Variants in VRTN observed in about 807,000 individuals in gnomAD.
VRTN encodes the protein vertnin.
A neutral mutation model predicts 18.2 loss-of-function variants in VRTN; 5 were observed. The observed-to-expected ratio is 0.27, with a 90% CI of 0.14 to 0.58. The LOEUF is 0.58. VRTN is among the 20% of genes least tolerant of loss of function. The pLI, the probability that VRTN is intolerant of heterozygous loss-of-function variation, is 0.91. For synonymous variants in VRTN, 381 were observed against 393.7 expected, an observed-to-expected ratio of 0.97 and a Z score of 0.38; for missense variants, 741 against 939.4, an observed-to-expected ratio of 0.79 and a Z score of 2.76.
intron 1 of VRTN, among the ~76,000 whole-genome samples, chr14:74,352,952 A>G (rs112478877): frequency 3.0e-4 from 46 of 152,332 alleles, no homozygotes; most frequent in African/African-American, 1.1e-3. Flanking sequence ...GTTTTGTGTT[A>G]AAAGGTGGTT....
In VRTN at chr14:74,359,185, TG is replaced by T; in HGVS notation, c.*295del. On this transcript the variant is annotated 3_prime_UTR_variant, in exon 2 of 2. Coordinates refer to ENST00000256362, the MANE Select transcript of VRTN (RefSeq NM_018228.3). ...TTGGTTTTGATTTGAGTGGGTTGGTTGGCCCCCTTGCTGGAGTTGGAAGCCG... is the reference window on the plus strand; with the variant it reads ...TTGGTTTTGATTTGAGTGGGTTGGTTGCCCCCTTGCTGGAGTTGGAAGCCG... The T allele has an allele frequency of 2.7e-6, 1 of 369,220 alleles. No individual in the cohort carries two copies. The highest frequency in any genetic ancestry group is 4.7e-6 in the Non-Finnish European group (1 of 214,452). The allele number at this position is 369,220 out of a possible 1,614,324, so 22.9% of individuals were successfully genotyped here.
At chr14:74,310,847 A>C (rs917192387) in intron 1 of VRTN, among the ~76,000 whole-genome samples, 1 of 150,360 alleles carries the variant, frequency 6.7e-6, no homozygotes, top group African/African-American at 2.5e-5. Flanking sequence ...GAGGTTTTTA[A>C]ATTTTTCTTT....
chr14:74,317,308 C>G (rs2085424553), intron 1 of VRTN, among the ~76,000 whole-genome samples: 1 of 152,138 alleles, frequency 6.6e-6, no homozygotes, highest in Non-Finnish European at 1.5e-5. Flanking sequence ...AGAAGTGGCT[C>G]TCAACCAGGG....
At chr14:74,305,098 G>A (rs893160553) in intron 1 of VRTN, among the ~76,000 whole-genome samples, 3 of 152,084 alleles carry the variant, frequency 2.0e-5, no homozygotes, top group Non-Finnish European at 2.9e-5. Context: ...TTTGGAGGCC[G>A]AAGCAGGCAA....
In VRTN at chr14:74,359,484, AC is replaced by A. The variant is rs1271871931; in HGVS notation, c.*594del. On this transcript the variant is annotated 3_prime_UTR_variant, in exon 2 of 2. Transcript: ENST00000256362. ...GATCACTTGAGGCTAGGAGTTAGAG[AC>A]CACCCTGGGCAATGTAGTGAGACCT... 6.0e-6 allele frequency: 1 copy of A among 167,082 alleles called. No homozygotes were observed. Among genetic ancestry groups the A allele is most frequent in the East Asian group, 1.9e-4 (1 of 5,192 alleles). The allele number at this position is 167,082 out of a possible 1,614,324, so 10.3% of individuals were successfully genotyped here.
chr14:74,331,159 G>A (rs900300799), intron 1 of VRTN, among the ~76,000 whole-genome samples: 2 of 150,608 alleles, frequency 1.3e-5, no homozygotes, highest in African/African-American at 4.9e-5. Flanking sequence ...CCGAGATCGC[G>A]CCACTGCACT....
chr14:74,333,172 C>T (rs1242372657), intron 1 of VRTN, among the ~76,000 whole-genome samples: 1 of 152,026 alleles, frequency 6.6e-6, no homozygotes, highest in Admixed American at 6.6e-5. Flanking sequence ...CACCCGAGGT[C>T]GGGAGTTCGA....
chr14:74,321,197 G>T (rs544841540), intron 1 of VRTN, among the ~76,000 whole-genome samples: 62 of 152,278 alleles, frequency 4.1e-4, no homozygotes. Context: ...ATGGAAAGCT[G>T]TTACAACACA....
chr14:74,305,785 G>A (rs1292482462), intron 1 of VRTN, among the ~76,000 whole-genome samples: 6 of 151,912 alleles, frequency 3.9e-5, no homozygotes, highest in Non-Finnish European at 8.8e-5. Flanking sequence ...GCAGGCACTC[G>A]CCACCATGCC....
chr14:74,310,549 T>C (rs949761767), intron 1 of VRTN, among the ~76,000 whole-genome samples: 3 of 149,470 alleles, frequency 2.0e-5, no homozygotes, highest in African/African-American at 7.4e-5. Context: ...TTTTTTTTTT[T>C]TTTTTAAACA....
At chr14:74,306,172 A>ATATATTT (rs1303177798) in intron 1 of VRTN, 3 of 75,646 alleles carry the variant, frequency 4.0e-5, no homozygotes, top group African/African-American at 1.4e-4. Flanking sequence ...ATATATATAT[A>ATATATTT]TTTTTTTTTT....
intron 1 of VRTN, among the ~76,000 whole-genome samples, chr14:74,319,468 T>C (rs2085438564): frequency 6.6e-6 from 1 of 152,226 alleles, no homozygotes; most frequent in Non-Finnish European, 1.5e-5. Context: ...CTCTACCAAC[T>C]GAGCTATCAA....
intron 1 of VRTN, among the ~76,000 whole-genome samples, chr14:74,324,327 G>C (rs543971956): frequency 3.5e-5 from 5 of 142,910 alleles, no homozygotes; most frequent in African/African-American, 1.3e-4. Context: ...GGCAGAGGTT[G>C]CAGTGAGCTG....
At chr14:74,312,532 C>A (rs1373697508) in intron 1 of VRTN, among the ~76,000 whole-genome samples, 4 of 152,034 alleles carry the variant, frequency 2.6e-5, no homozygotes, top group African/African-American at 9.7e-5. Context: ...TTCACTGCAG[C>A]CTCGACCTCC....
At chr14:74,336,956 T>C (rs549908938) in intron 1 of VRTN, among the ~76,000 whole-genome samples, 58 of 152,342 alleles carry the variant, frequency 3.8e-4, no homozygotes, top group African/African-American at 1.4e-3. Flanking sequence ...TTTGTAATTT[T>C]ACGTATTTTG....
intron 1 of VRTN, among the ~76,000 whole-genome samples, chr14:74,331,153 G>A (rs1595168407): frequency 2.0e-5 from 3 of 151,718 alleles, no homozygotes; most frequent in Admixed American, 2.0e-4. Flanking sequence ...AGTGAGCCGA[G>A]ATCGCGCCAC....
chr14:74,333,932 T>A (rs1447586352), intron 1 of VRTN, among the ~76,000 whole-genome samples: 1 of 152,238 alleles, frequency 6.6e-6, no homozygotes, highest in African/African-American at 2.4e-5. Flanking sequence ...TTGTTCTAGT[T>A]GCTTTACATG....
chr14:74,332,335 GTTTTTTTTTTTTTTTTTT>G (rs67857502), intron 1 of VRTN, among the ~76,000 whole-genome samples: 1,173 of 39,566 alleles, frequency 0.03, 38 homozygotes, highest in African/African-American at 0.088. Flanking sequence ...CTCCTAATCT[GTTTTTTTTTTTTTTTTTT>G]TTTTTTTTTT....
At position 74,357,660 on chromosome 14, in the gene VRTN, A is replaced by C. The variant is rs202159424; in HGVS notation, c.877A>C (p.Lys293Gln). 2 of 1,613,874 alleles carry C rather than the reference A, an allele frequency of 1.2e-6. No individual in the cohort carries two copies. The highest frequency in any genetic ancestry group is 1.1e-5 in the South Asian group (1 of 91,082). ...CCTCTGTGAGCGCTACAGCGTCACC[A>C]AAAGCACCTTCTACCGCTGGCGGCG... ...SHLCERYSVT[K>Q]STFYRWRRQS... Residue 293 changes from lysine (K) to glutamine (Q), a missense_variant, in exon 2 of 2, where the codon AAA (lysine) becomes CAA (glutamine). This residue lies in a region of VRTN where 494 missense variants were observed against 546.5 expected (regional missense o/e 0.90). Coordinates refer to ENST00000256362, the MANE Select transcript of VRTN (RefSeq NM_018228.3). The surrounding 1 kb of genome is among the most constrained non-coding windows in gnomAD (Gnocchi z 7.8).
Sources: gnomAD v4.1 joint callset for allele counts (sites outside exome capture counted in the v4.1 genomes callset) on GRCh38, gnomAD v4.1.1 for gene constraint, gnomAD v4.1.1 regional missense constraint, Gnocchi (gnomAD v3.1) non-coding constraint, MANE v1.5 for transcripts, NCBI Gene and HGNC (gene_info 2026-07-23, HGNC 2026-07-21) for gene names.